Variants in MCF2L observed in about 807,000 individuals in gnomAD.
MCF2L encodes MCF.2 cell line derived transforming sequence like.
MCF2L carries 97 observed loss-of-function variants against 153.4 expected under a neutral mutation model. That is an observed-to-expected ratio of 0.63 (90% CI 0.54 to 0.75). The LOEUF is 0.75. Among genes scored for constraint, MCF2L ranks in the 30% least tolerant of loss-of-function variants. MCF2L has a pLI of 0.00. For missense variants in MCF2L, 1,347 were observed against 1,495.2 expected, an observed-to-expected ratio of 0.90 and a Z score of 1.64; for synonymous variants, 659 against 632.2, an observed-to-expected ratio of 1.04 and a Z score of -0.64.
At chr13:113,025,969 C>T (rs1203090744) in intron 3 of MCF2L, among the ~76,000 whole-genome samples, 1 of 91,568 alleles carries the variant, frequency 1.1e-5, no homozygotes, top group African/African-American at 4.0e-5. Context: ...ATGGGGTCCC[C>T]GTGACTGTGG....
intron 2 of MCF2L, among the ~76,000 whole-genome samples, chr13:113,022,674 C>T (rs1043929492): frequency 2.6e-4 from 40 of 152,218 alleles, no homozygotes; most frequent in African/African-American, 8.0e-4. Context: ...CCTTTAATGG[C>T]GACTGAAAAG....
At position 113,064,604 on chromosome 13, in the gene MCF2L, A is replaced by G; in HGVS notation, c.606+184A>G. ...ATTGTAAAGAAGTAACGTGAGTCAT[A>G]AGTTTGGGAGTGGCTTTCTCTGGGC... On this transcript the variant is annotated intron_variant, in intron 6 of 29. Transcript: ENST00000535094. This position sits in a 1 kb window ranked among gnomAD's most constrained non-coding sequence, Gnocchi z 6.0. 1 of 590,558 alleles carries G rather than the reference A, an allele frequency of 1.7e-6. No homozygotes were observed. The highest frequency in any genetic ancestry group is 3.0e-6 in the Non-Finnish European group (1 of 332,128). 36.6% of individuals were successfully genotyped at this position (590,558 alleles called of 1,614,324 possible). A position where few individuals can be genotyped will look rare whatever the true frequency, so the allele number is the denominator to read the frequency against.
intron 18 of MCF2L, 131 bp from the exon 19 acceptor site, chr13:113,084,761 C>G: frequency 1.4e-6 from 1 of 729,188 alleles, no homozygotes; most frequent in Non-Finnish European, 2.4e-6. Context: ...AGCAGCAATG[C>G]CTCGCAGGGC....
At position 112,907,350 on chromosome 13, in the gene MCF2L, T is replaced by C. The variant is rs1310387383; in HGVS notation, c.169+4979T>C. Among the ~76,000 whole-genome samples, 3 of 152,078 alleles carry C rather than the reference T, an allele frequency of 2.0e-5. No homozygotes were observed. Among genetic ancestry groups the C allele is most frequent in the Non-Finnish European group, 2.9e-5 (2 of 67,998 alleles). ...CAAGAAACAGATACTTGGAAGGAAA[T>C]TGGCTTTTTGGCTATCCACAGTGTT... is the stretch of plus-strand genomic sequence containing the variant. On this transcript the variant is annotated intron_variant, in intron 2 of 29. Coordinates refer to the MCF2L transcript ENST00000375608. The surrounding 1 kb of genome is among the most constrained non-coding windows in gnomAD (Gnocchi z 5.1).
intron 1 of MCF2L, among the ~76,000 whole-genome samples, chr13:112,996,250 A>G (rs768313857): frequency 6.6e-6 from 1 of 152,178 alleles, no homozygotes; most frequent in African/African-American, 2.4e-5. Context: ...AGCTCCGGAG[A>G]TCAAGGCTGC....
At chr13:113,010,576 T>C (rs932720716) in intron 1 of MCF2L, among the ~76,000 whole-genome samples, 16 of 152,140 alleles carry the variant, frequency 1.1e-4, no homozygotes, top group African/African-American at 3.6e-4. Context: ...GCTGCTGTGG[T>C]CGGTGCTGGG....
rs1171470290 is a variant in MCF2L at position 112,904,840 on chromosome 13, C to G, written c.169+2469C>G. 6.6e-6 allele frequency among the ~76,000 whole-genome samples: 1 copy of G among 152,236 alleles called. No homozygotes were observed. Among genetic ancestry groups the G allele is most frequent in the African/African-American group, 2.4e-5 (1 of 41,458 alleles). On this transcript the variant is annotated intron_variant, in intron 2 of 29. Coordinates refer to the MCF2L transcript ENST00000375608. The surrounding 1 kb of genome is among the most constrained non-coding windows in gnomAD (Gnocchi z 4.2). The stretch of plus-strand genomic sequence containing the variant: ...CCTGGGGCCTTGGCAATGTCCTAGC[C>G]CAGCTGGCTGGAGACAGTTGGTGGT...
intron 1 of MCF2L, among the ~76,000 whole-genome samples, chr13:113,006,182 G>A (rs550299734): frequency 3.9e-5 from 6 of 152,222 alleles, no homozygotes; most frequent in Non-Finnish European, 7.3e-5. Flanking sequence ...GCCCCTCTGC[G>A]AGAGCCTCTC....
rs547112535 is a variant in MCF2L, at chr13:112,963,160, C to A, written c.170-51603C>A. ...GGCACAGACGTCCCCTCTGAAAGGGCCCGTGGCTCCCACCCACCTCCACCA... is the reference window on the plus strand; with the variant it reads ...GGCACAGACGTCCCCTCTGAAAGGGACCGTGGCTCCCACCCACCTCCACCA... On this transcript the variant is annotated intron_variant, in intron 2 of 29. Coordinates refer to the MCF2L transcript ENST00000375608. Among the ~76,000 whole-genome samples the A allele has an allele frequency of 5.9e-5, 9 of 152,336 alleles. No homozygotes were observed. In the South Asian group the frequency reaches 1.9e-3, roughly 32 times the overall value.
At chr13:113,021,092 A>G (rs1226682990) in intron 2 of MCF2L, among the ~76,000 whole-genome samples, 1 of 152,110 alleles carries the variant, frequency 6.6e-6, no homozygotes, top group Non-Finnish European at 1.5e-5. Flanking sequence ...TTGTACATAT[A>G]TGTACATATA....
chr13:113,078,931 C>T (rs1293002405), intron 15 of MCF2L, among the ~76,000 whole-genome samples, 192 bp downstream of exon 15: 1 of 152,234 alleles, frequency 6.6e-6, no homozygotes, highest in Admixed American at 6.5e-5. Flanking sequence ...GTCCCCACCG[C>T]GTGAAGCACA....
intron 5 of MCF2L, among the ~76,000 whole-genome samples, chr13:113,063,223 G>C (rs1005576604): frequency 2.6e-5 from 4 of 152,226 alleles, no homozygotes; most frequent in Admixed American, 2.0e-4. Flanking sequence ...CGGCTGGCCT[G>C]CGGGCGAGTG....
chr13:112,909,185 G>A (rs1735249228), intron 2 of MCF2L: 4 of 778,260 alleles, frequency 5.1e-6, no homozygotes, highest in African/African-American at 1.7e-5. Flanking sequence ...AACACTGCCT[G>A]TTCCCGAGGG....
rs527989717 is a variant in MCF2L at position 112,902,465 on chromosome 13, T to G, written c.169+94T>G. 40 of 1,300,900 alleles carry G rather than the reference T, an allele frequency of 3.1e-5. 1 individual carries two copies. The South Asian group carries it at 6.5e-4, about 21-fold the overall frequency. The allele number at this position is 1,300,900 out of a possible 1,614,324, so 80.6% of individuals were successfully genotyped here. On this transcript the variant is annotated intron_variant, in intron 2 of 29. Coordinates refer to the MCF2L transcript ENST00000375608. ...TTTGCTATTCCGGTCCTTTTAGAGATTGACAAGGTTTAGATCCTGGGAATG... is the reference window on the plus strand; with the variant it reads ...TTTGCTATTCCGGTCCTTTTAGAGAGTGACAAGGTTTAGATCCTGGGAATG...
intron 2 of MCF2L, among the ~76,000 whole-genome samples, chr13:112,908,320 C>T (rs2081193275): frequency 6.6e-6 from 1 of 152,170 alleles, no homozygotes; most frequent in South Asian, 2.1e-4. Context: ...CCCTCTGATT[C>T]AAGGGTGCCT....
At chr13:113,007,391 C>T (rs1416919443) in intron 1 of MCF2L, among the ~76,000 whole-genome samples, 2 of 152,244 alleles carry the variant, frequency 1.3e-5, no homozygotes, top group Non-Finnish European at 2.9e-5. Flanking sequence ...CCCCTGACCC[C>T]AGCGTCCGTG....
intron 1 of MCF2L, among the ~76,000 whole-genome samples, chr13:112,992,105 A>G (rs905365626): frequency 6.6e-6 from 1 of 152,340 alleles, no homozygotes; most frequent in South Asian, 2.1e-4. Context: ...AACTTATTTC[A>G]TGCACAAAAT....
At chr13:112,930,646 C>T (rs937226176) in intron 2 of MCF2L, among the ~76,000 whole-genome samples, 3 of 152,160 alleles carry the variant, frequency 2.0e-5, no homozygotes, top group African/African-American at 7.2e-5. Context: ...AATCTTAATA[C>T]CTGCAAATTT....
At chr13:113,005,665 G>A (rs1042833715) in intron 1 of MCF2L, among the ~76,000 whole-genome samples, 6 of 152,160 alleles carry the variant, frequency 3.9e-5, no homozygotes, top group African/African-American at 1.4e-4. Flanking sequence ...GCCGTGGCCT[G>A]TTTGTGGTGA....
Sources: gnomAD v4.1 joint callset for allele counts (sites outside exome capture counted in the v4.1 genomes callset) on GRCh38, gnomAD v4.1.1 for gene constraint, Gnocchi (gnomAD v3.1) non-coding constraint, MANE v1.5 for transcripts, NCBI Gene and HGNC (gene_info 2026-07-23, HGNC 2026-07-21) for gene names.